Variants in CIMAP2 observed in about 807,000 individuals in gnomAD.
CIMAP2 encodes the protein ciliary microtubule associated protein 2.
chr1:54,811,774 C>CGGCG, the CIMAP2 span: 1 of 476,592 alleles, frequency 2.1e-6, no homozygotes, highest in Non-Finnish European at 4.1e-6. Context: ...AGCCTCCATG[C>CGGCG]CCCCACCCCC....
chr1:54,806,593 C>T, the CIMAP2 span, among the ~76,000 whole-genome samples: 1 of 151,716 alleles, frequency 6.6e-6, no homozygotes, highest in Non-Finnish European at 1.5e-5. Flanking sequence ...TCATATTCCA[C>T]TCTGTCTCTT....
the CIMAP2 span, chr1:54,807,508 G>T: frequency 1.3e-6 from 2 of 1,506,258 alleles, no homozygotes; most frequent in South Asian, 2.7e-5. Flanking sequence ...TCACAGCTCT[G>T]ACCACACTCT....
At chr1:54,811,765 G>GCCGGGGGGGGCGGGGCCCCCCCCCCCCC in the CIMAP2 span, 1 of 1,301,332 alleles carries the variant, frequency 7.7e-7, no homozygotes, top group Non-Finnish European at 1.1e-6. Flanking sequence ...GGTTCTGACA[G>GCCGGGGGGGGCGGGGCCCCCCCCCCCCC]CCTCCATGCC....
At chr1:54,839,092 G>A in the CIMAP2 span, among the ~76,000 whole-genome samples, 10 of 150,980 alleles carry the variant, frequency 6.6e-5, no homozygotes, top group Non-Finnish European at 1.5e-4. Flanking sequence ...GCTCCAAGCT[G>A]TGTTCTTTCC....
chr1:54,811,765 G>GCCGGGGGGGGGGCGCGCCCCCCCCCC, the CIMAP2 span: 1 of 1,301,326 alleles, frequency 7.7e-7, no homozygotes, highest in South Asian at 1.2e-5. Context: ...GGTTCTGACA[G>GCCGGGGGGGGGGCGCGCCCCCCCCCC]CCTCCATGCC....
At chr1:54,808,349 G>A in the CIMAP2 span, among the ~76,000 whole-genome samples, 2 of 152,192 alleles carry the variant, frequency 1.3e-5, no homozygotes, top group Admixed American at 1.3e-4. Flanking sequence ...CTGGGAGGAG[G>A]TGACATTTGA....
chr1:54,829,343 T>A, the CIMAP2 span, among the ~76,000 whole-genome samples: 1 of 152,296 alleles, frequency 6.6e-6, no homozygotes, highest in South Asian at 2.1e-4. Context: ...CCTAACTAAG[T>A]CTTATGAATG....
chr1:54,840,982 G>GCTGC, the CIMAP2 span, among the ~76,000 whole-genome samples: 1 of 152,218 alleles, frequency 6.6e-6, no homozygotes, highest in Non-Finnish European at 1.5e-5. Context: ...AGACAGGGAG[G>GCTGC]CTGCCTCAAT....
At chr1:54,828,402 G>A in the CIMAP2 span, among the ~76,000 whole-genome samples, 181 of 152,260 alleles carry the variant, frequency 1.2e-3, no homozygotes, top group African/African-American at 4.1e-3. Context: ...CATGATCATG[G>A]CTCATTGTAG....
At chr1:54,807,728 C>T in the CIMAP2 span, 2 of 1,543,994 alleles carry the variant, frequency 1.3e-6, no homozygotes, top group Non-Finnish European at 1.7e-6. Flanking sequence ...CTCTCTGGTG[C>T]CAGGTCTTCC....
At chr1:54,807,711 C>T in the CIMAP2 span, 1 of 1,558,340 alleles carries the variant, frequency 6.4e-7, no homozygotes, top group Non-Finnish European at 8.7e-7. Flanking sequence ...TGGGGCCATG[C>T]CTCTCCCTCT....
At chr1:54,829,906 T>C in the CIMAP2 span, among the ~76,000 whole-genome samples, 13 of 152,282 alleles carry the variant, frequency 8.5e-5, no homozygotes, top group South Asian at 2.7e-3. Context: ...TGTATGTTCA[T>C]TTTGGCCTCA....
the CIMAP2 span, chr1:54,811,765 G>GCCGGGGGGGGGGGGGGCCCCGCCCC: frequency 7.7e-7 from 1 of 1,301,332 alleles, no homozygotes; most frequent in Non-Finnish European, 1.1e-6. Context: ...GGTTCTGACA[G>GCCGGGGGGGGGGGGGGCCCCGCCCC]CCTCCATGCC....
At chr1:54,808,176 C>T in the CIMAP2 span, among the ~76,000 whole-genome samples, 16 of 152,128 alleles carry the variant, frequency 1.1e-4, no homozygotes, top group Non-Finnish European at 2.1e-4. Context: ...CTAGCAGTGA[C>T]GAAGACAATG....
At chr1:54,830,050 G>A in the CIMAP2 span, among the ~76,000 whole-genome samples, 1 of 152,058 alleles carries the variant, frequency 6.6e-6, no homozygotes, top group African/African-American at 2.4e-5. The surrounding 1 kb of genome is among the most constrained non-coding windows in gnomAD (Gnocchi z 4.1). Context: ...ATCAAGCTGG[G>A]TGTTTTCACT....
At chr1:54,806,075 T>C in the CIMAP2 span, 1 of 1,483,540 alleles carries the variant, frequency 6.7e-7, no homozygotes, top group Non-Finnish European at 8.9e-7. Context: ...AAGGCCCGGG[T>C]TGCCGTGGCA....
chr1:54,810,202 G>A, the CIMAP2 span, among the ~76,000 whole-genome samples: 3 of 152,132 alleles, frequency 2.0e-5, no homozygotes, highest in African/African-American at 2.4e-5. Context: ...AACCCACCCC[G>A]GTGCCTTCCA....
the CIMAP2 span, chr1:54,815,105 C>T: frequency 1.7e-5 from 27 of 1,590,530 alleles, no homozygotes; most frequent in East Asian, 2.2e-5. Context: ...ACACCAAAGC[C>T]TCTTTGTCCC....
At chr1:54,812,980 C>A in the CIMAP2 span, among the ~76,000 whole-genome samples, 1 of 152,150 alleles carries the variant, frequency 6.6e-6, no homozygotes, top group African/African-American at 2.4e-5. Flanking sequence ...TGGCAGGTAG[C>A]CACTGAGCTG....
Sources: gnomAD v4.1 joint callset for allele counts (sites outside exome capture counted in the v4.1 genomes callset) on GRCh38, gnomAD v4.1.1 for gene constraint, Gnocchi (gnomAD v3.1) non-coding constraint, MANE v1.5 for transcripts, NCBI Gene and HGNC (gene_info 2026-07-23, HGNC 2026-07-21) for gene names.